Variants in NAALAD2 observed in about 807,000 individuals in gnomAD.
The protein encoded by NAALAD2 is N-acetylated alpha-linked acidic dipeptidase 2.
Under a neutral mutation model 95.6 loss-of-function variants are expected in NAALAD2, and 89 were observed. The observed-to-expected ratio is 0.93, with a 90% CI of 0.78 to 1.11. NAALAD2 has a LOEUF of 1.11. Among genes scored for constraint, NAALAD2 ranks in the 50% least tolerant of loss-of-function variants. The pLI is 0.00. For missense variants in NAALAD2, 894 were observed against 872.4 expected, an observed-to-expected ratio of 1.02 and a Z score of -0.31; for synonymous variants, 264 against 294.4, an observed-to-expected ratio of 0.90 and a Z score of 1.06.
chr11:90,135,793 CA>C, intron 2 of NAALAD2, 123 bp downstream of exon 2: 1 of 607,822 alleles, frequency 1.6e-6, no homozygotes, highest in Non-Finnish European at 2.4e-6. Flanking sequence ...TATTAGTCAT[CA>C]ACTTTTTTTT....
chr11:90,168,038 C>T (rs960451165), intron 11 of NAALAD2, among the ~76,000 whole-genome samples: 1 of 152,152 alleles, frequency 6.6e-6, no homozygotes, highest in Non-Finnish European at 1.5e-5. Flanking sequence ...CTGCTGACTC[C>T]TTGGGTCCAC....
At chr11:90,172,132 G>C (rs1370808080) in intron 13 of NAALAD2, among the ~76,000 whole-genome samples, 1 of 152,206 alleles carries the variant, frequency 6.6e-6, no homozygotes, top group Non-Finnish European at 1.5e-5. Context: ...CAAGCAGGAT[G>C]TAGGAACTGG....
At chr11:90,155,078 GTGTATATATATTATATACGTATACATA>G (rs1952017722) in intron 6 of NAALAD2, among the ~76,000 whole-genome samples, 1 of 121,660 alleles carries the variant, frequency 8.2e-6, no homozygotes, top group African/African-American at 3.6e-5. Context: ...GTATATATGT[GTGTATATATATTATATACGTATACATA>G]TGTATATATG....
In NAALAD2 at chr11:90,180,816, A is replaced by C. The variant is rs182685195; in HGVS notation, c.1859-804A>C. On this transcript the variant is annotated intron_variant, in intron 16 of 18. Coordinates refer to ENST00000534061, the MANE Select transcript of NAALAD2 (RefSeq NM_005467.4). The stretch of plus-strand genomic sequence containing the variant: ...AAGCCAAAAATATTCAGAAAAAAAA[A>C]CCCATTAAGTTTCAAAAAAGCAAAA... Among the ~76,000 whole-genome samples, 326 of 152,208 alleles carry C rather than the reference A, an allele frequency of 2.1e-3. 3 individuals are homozygous for C. Among genetic ancestry groups the C allele is most frequent in the African/African-American group, 7.3e-3 (303 of 41,556 alleles).
rs369389113 is a variant in NAALAD2, at chr11:90,163,577, C to T, written c.1238C>T (p.Ala413Val). ...RRTIIFASWD[A>V]EEFGLLGSTE... ...ACTATCATTTTTGCCAGCTGGGATG[C>T]AGAAGAATTTGGACTTCTGGGTTCC... The change falls in exon 11 of 19, where the codon GCA (alanine) becomes GTA (valine). Residue 413 changes from alanine to valine, a missense_variant. Physicochemically the swap from Ala to Val is moderately conservative, Grantham distance 64. Coordinates refer to ENST00000534061, the MANE Select transcript of NAALAD2 (RefSeq NM_005467.4). The T allele has an allele frequency of 1.1e-5, 18 of 1,614,030 alleles. No individual in the cohort carries two copies. Among genetic ancestry groups the T allele is most frequent in the Non-Finnish European group, 1.5e-5 (18 of 1,179,962 alleles).
intron 1 of NAALAD2, chr11:90,135,247 GA>G (rs1951424975): frequency 3.3e-6 from 1 of 303,246 alleles, no homozygotes; most frequent in African/African-American, 2.1e-5. Flanking sequence ...AATATTTGTG[GA>G]ATGTTCCCTA....
intron 8 of NAALAD2, among the ~76,000 whole-genome samples, chr11:90,161,657 G>T: frequency 6.6e-6 from 1 of 152,268 alleles, no homozygotes; most frequent in South Asian, 2.1e-4. Flanking sequence ...GTTTAAAGAC[G>T]TAGATGTGCT....
intron 18 of NAALAD2, among the ~76,000 whole-genome samples, chr11:90,184,055 A>T (rs1338966563): frequency 1.3e-5 from 2 of 152,150 alleles, no homozygotes; most frequent in Non-Finnish European, 2.9e-5. Context: ...TCAAAGCCAG[A>T]AAATCTATAT....
At chr11:90,187,712 G>T (rs561739079) in intron 18 of NAALAD2, among the ~76,000 whole-genome samples, 6 of 152,062 alleles carry the variant, frequency 3.9e-5, no homozygotes, top group Non-Finnish European at 7.4e-5. Flanking sequence ...CTTTCAGTAC[G>T]TATAATGGAT....
chr11:90,157,978 G>A lies in NAALAD2; in HGVS notation c.797-167G>A, dbSNP rs566800763. Among the ~76,000 whole-genome samples the A allele has an allele frequency of 2.0e-4, 30 of 152,234 alleles. 1 individual carries two copies. Among genetic ancestry groups the A allele is most frequent in the Admixed American group, 9.8e-4 (15 of 15,286 alleles). On this transcript the variant is annotated intron_variant, in intron 6 of 18. Coordinates refer to ENST00000534061, the MANE Select transcript of NAALAD2 (RefSeq NM_005467.4). The stretch of plus-strand genomic sequence containing the variant: ...TCATGATCCGCCCACCTCTGCCTCC[G>A]AAAGTGCTGGGATGACAGGTGTGAG...
chr11:90,157,034 C>A (rs1343065297), intron 6 of NAALAD2, among the ~76,000 whole-genome samples: 3 of 152,070 alleles, frequency 2.0e-5, no homozygotes, highest in Non-Finnish European at 4.4e-5. Flanking sequence ...AATACATATT[C>A]TATATGCACT....
intron 2 of NAALAD2, 152 bp downstream of exon 2, chr11:90,135,822 T>C: frequency 1.8e-6 from 1 of 562,358 alleles, no homozygotes; most frequent in Non-Finnish European, 3.0e-6. Flanking sequence ...AATGTCTCTT[T>C]ACACCAGTCT....
chr11:90,155,397 A>T (rs1565522634), intron 6 of NAALAD2, among the ~76,000 whole-genome samples: 3 of 78,076 alleles, frequency 3.8e-5, no homozygotes, highest in Non-Finnish European at 6.5e-5. Flanking sequence ...TGTAATATAT[A>T]ATATATATAA....
chr11:90,162,408 TTA>T (rs933546290), intron 8 of NAALAD2: 57 of 152,232 alleles, frequency 3.7e-4, no homozygotes, highest in African/African-American at 1.4e-3. Context: ...ACAGAATTTT[TTA>T]TGTTTTTTAT....
intron 11 of NAALAD2, among the ~76,000 whole-genome samples, chr11:90,166,844 A>AG (rs1481600405): frequency 7.7e-6 from 1 of 130,712 alleles, no homozygotes; most frequent in Admixed American, 8.1e-5. Flanking sequence ...CCAAAAAAAA[A>AG]AAAAAAAAGA....
At chr11:90,158,336 GT>G in intron 7 of NAALAD2, 98 bp downstream of exon 7, 1 of 815,470 alleles carries the variant, frequency 1.2e-6, no homozygotes, top group Admixed American at 2.2e-5. Context: ...TAAACACAAA[GT>G]TTTATAACTA....
Position 90,163,541 on chromosome 11 carries a change from G to A in NAALAD2, c.1202G>A (p.Arg401Lys). 6.2e-7 allele frequency: 1 copy of A among 1,613,986 alleles called. No homozygotes were observed. Among genetic ancestry groups the A allele is most frequent in the Admixed American group, 1.7e-5 (1 of 60,024 alleles). ...SFGKLMSKGW[R>K]PRRTIIFASW... ...GTGTTAACAATTCTTACAGGCTGGA[G>A]ACCTAGAAGAACTATCATTTTTGCC... Residue 401 changes from arginine (R) to lysine (K), a missense_variant, in exon 11 of 19, where the codon AGA becomes AAA. By Grantham distance (26) the Arg-to-Lys change is conservative. Coordinates refer to ENST00000534061, the MANE Select transcript of NAALAD2 (RefSeq NM_005467.4).
At chr11:90,189,359 A>C (rs770819160) in intron 18 of NAALAD2, among the ~76,000 whole-genome samples, 8 of 152,236 alleles carry the variant, frequency 5.3e-5, no homozygotes, top group Non-Finnish European at 1.2e-4. Context: ...ATATAAAATG[A>C]ACACACTCTG....
At position 90,175,959 on chromosome 11, in the gene NAALAD2, A is replaced by C; in HGVS notation, c.1503-13A>C. 7.4e-7 allele frequency: 1 copy of C among 1,345,866 alleles called. No individual in the cohort carries two copies. 83.4% of individuals were successfully genotyped at this position (1,345,866 alleles called of 1,614,324 possible). ...GTGTGTGTGTGTGTGTGTGGATTGC[A>C]TTCTACATCTAGAATCAATAAGCTG... On this transcript the variant is annotated splice_polypyrimidine_tract_variant and intron_variant, in intron 14 of 18. Coordinates refer to ENST00000534061, the MANE Select transcript of NAALAD2 (RefSeq NM_005467.4).
Sources: gnomAD v4.1 joint callset for allele counts (sites outside exome capture counted in the v4.1 genomes callset) on GRCh38, gnomAD v4.1.1 for gene constraint, MANE v1.5 for transcripts, NCBI Gene and HGNC (gene_info 2026-07-23, HGNC 2026-07-21) for gene names.